The following SLC3A1 variants were observed in gnomAD, a reference collection of about 807,000 sequenced individuals.
SLC3A1 encodes the protein solute carrier family 3 member 1, also known as amino acid transporter heavy chain SLC3A1.
A neutral mutation model predicts 60.3 loss-of-function variants in SLC3A1; 78 were observed. The ratio of observed to expected loss-of-function variants is 1.29; its 90% CI spans 1.08 to 1.56. SLC3A1 has a LOEUF of 1.56. SLC3A1 is among the 40% of genes most tolerant of loss of function. The pLI, the probability that SLC3A1 is intolerant of heterozygous loss-of-function variation, is 0.00. For synonymous variants in SLC3A1, 392 were observed against 307.9 expected, an observed-to-expected ratio of 1.27 and a Z score of -2.86; for missense variants, 1,172 against 858.9, an observed-to-expected ratio of 1.36 and a Z score of -4.56.
intron 4 of SLC3A1, among the ~76,000 whole-genome samples, chr2:44,290,681 G>GA (rs1307053952): frequency 2.4e-5 from 2 of 82,522 alleles, no homozygotes; most frequent in Non-Finnish European, 4.9e-5. Context: ...TTATTTTTAA[G>GA]ACTTTTTTTT....
intron 4 of SLC3A1, among the ~76,000 whole-genome samples, chr2:44,298,735 T>A (rs1671920019): frequency 6.6e-6 from 1 of 152,136 alleles, no homozygotes; most frequent in Non-Finnish European, 1.5e-5. Context: ...GCATTAAAAA[T>A]GCCTGGGAAC....
intron 4 of SLC3A1, among the ~76,000 whole-genome samples, chr2:44,286,673 T>C (rs1007185269): frequency 6.7e-6 from 1 of 149,900 alleles, no homozygotes; most frequent in African/African-American, 2.5e-5. Context: ...GCGGTGTCTG[T>C]GACGGTGAGC....
At chr2:44,302,927 G>A (rs1040930692) in intron 6 of SLC3A1, among the ~76,000 whole-genome samples, 13 of 152,050 alleles carry the variant, frequency 8.5e-5, no homozygotes, top group African/African-American at 1.7e-4. Flanking sequence ...GGCTTGGTGC[G>A]GTGGCTCATG....
At chr2:44,304,679 C>T (rs753145786) in intron 7 of SLC3A1, among the ~76,000 whole-genome samples, 1 of 152,118 alleles carries the variant, frequency 6.6e-6, no homozygotes, top group Non-Finnish European at 1.5e-5. Context: ...AAGAGGTACA[C>T]AGCAATTCAG....
intron 3 of SLC3A1, chr2:44,285,192 G>A (rs1218722162): frequency 1.3e-5 from 2 of 154,632 alleles, no homozygotes; most frequent in East Asian, 3.8e-4. Context: ...TGGAAAGGGT[G>A]CATGTCCTTG....
At chr2:44,304,807 AAAAC>A (rs1672111585) in intron 7 of SLC3A1, among the ~76,000 whole-genome samples, 3 of 146,208 alleles carry the variant, frequency 2.1e-5, no homozygotes, top group Non-Finnish European at 4.5e-5. Flanking sequence ...TACACTCTTG[AAAAC>A]AATTTTTTTT....
intron 4 of SLC3A1, among the ~76,000 whole-genome samples, chr2:44,298,310 G>C (rs1434224829): frequency 6.6e-6 from 1 of 152,066 alleles, no homozygotes; most frequent in South Asian, 2.1e-4. Context: ...TGATGAGTTA[G>C]TTTTCTTTAC....
intron 4 of SLC3A1, among the ~76,000 whole-genome samples, chr2:44,293,222 G>A (rs568424434): frequency 3.3e-4 from 51 of 152,248 alleles, no homozygotes; most frequent in African/African-American, 1.2e-3. Flanking sequence ...TGGACAGTTA[G>A]ATATAAGGAC....
At chr2:44,318,147 G>C (rs1287598612) in intron 9 of SLC3A1, 2 of 440,876 alleles carry the variant, frequency 4.5e-6, no homozygotes, top group Non-Finnish European at 9.1e-6. Flanking sequence ...CTCGAGTGCA[G>C]TGGCGTGATC....
intron 7 of SLC3A1, among the ~76,000 whole-genome samples, chr2:44,306,413 C>G (rs1001102887): frequency 2.0e-5 from 3 of 152,058 alleles, no homozygotes; most frequent in African/African-American, 4.8e-5. Context: ...ATTGCCAGAG[C>G]CTTTCTCCGT....
downstream of SLC3A1, chr2:44,321,695 T>G: frequency 1.3e-6 from 2 of 1,573,454 alleles, no homozygotes; most frequent in South Asian, 2.3e-5. Context: ...CTCCCTCCCC[T>G]CCTGGGTCTC....
At chr2:44,321,855 T>C (rs760875859), downstream of SLC3A1, 27 of 1,613,618 alleles carry the variant, frequency 1.7e-5, no homozygotes, top group Non-Finnish European at 1.6e-5. Flanking sequence ...AATTACATGA[T>C]TGCCTCCAGG....
chr2:44,279,340 C>T (rs1003267694), intron 1 of SLC3A1, among the ~76,000 whole-genome samples: 5 of 152,104 alleles, frequency 3.3e-5, no homozygotes, highest in Admixed American at 6.6e-5. Context: ...ATTCTTGCTC[C>T]CTCCTTTCCT....
At chr2:44,304,098 C>G (rs752584783) in intron 6 of SLC3A1, 45 bp from the exon 7 acceptor site, 1 of 1,521,728 alleles carries the variant, frequency 6.6e-7, no homozygotes, top group East Asian at 2.3e-5. Flanking sequence ...CCTTCCCAGT[C>G]TTCTGACAGG....
At chr2:44,280,636 C>G (rs557634868) in intron 1 of SLC3A1, 80 bp from the exon 2 acceptor site, 3 of 970,864 alleles carry the variant, frequency 3.1e-6, no homozygotes, top group Admixed American at 2.1e-5. Flanking sequence ...ATATTTCTAT[C>G]TTAGGCATAT....
At chr2:44,313,111 C>G (rs1558469325) in intron 8 of SLC3A1, among the ~76,000 whole-genome samples, 1 of 152,062 alleles carries the variant, frequency 6.6e-6, no homozygotes, top group Non-Finnish European at 1.5e-5. Context: ...ACTCATTTCC[C>G]TCTACTTGAA....
rs781553608 is a variant in SLC3A1 at position 44,321,396 on chromosome 2, G to A, written c.*757G>A. The A allele has an allele frequency of 1.2e-6, 2 of 1,612,766 alleles. No individual in the cohort carries two copies. The highest frequency in any genetic ancestry group is 3.3e-5 in the Admixed American group (2 of 59,968). On this transcript the variant is annotated 3_prime_UTR_variant, in exon 10 of 10. Transcript: ENST00000260649. ...TTTCTTAAGATCCTCGAAAACACTG[G>A]TGCTGTCAAGTCCAAGTTCCTCGTA... is the stretch of plus-strand genomic sequence containing the variant.
At chr2:44,279,004 T>A (rs982852914) in intron 1 of SLC3A1, among the ~76,000 whole-genome samples, 1 of 145,666 alleles carries the variant, frequency 6.9e-6, no homozygotes, top group Non-Finnish European at 1.5e-5. Context: ...ATATTTATTA[T>A]TTTTTTTTTT....
At chr2:44,299,947 A>C (rs1237475208) in intron 4 of SLC3A1, 24 bp from the exon 5 acceptor site, 1 of 1,613,514 alleles carries the variant, frequency 6.2e-7, no homozygotes, top group African/African-American at 1.3e-5. Context: ...AATGTAACCA[A>C]GCATTTTGCT....
Sources: allele counts gnomAD v4.1 joint callset (sites outside exome capture counted in the v4.1 genomes callset), GRCh38; gene constraint gnomAD v4.1.1; transcripts MANE v1.5; gene names NCBI Gene and HGNC (gene_info 2026-07-23, HGNC 2026-07-21).